PLCL2: variants seen among roughly 807,000 people sequenced by gnomAD.
PLCL2 encodes inactive phospholipase C-like protein 2.
In PLCL2, 4 loss-of-function variants were observed where a neutral mutation model predicts 79.6. The ratio of observed to expected loss-of-function variants is 0.05; its 90% CI spans 0.02 to 0.11. The LOEUF (loss-of-function observed/expected upper bound fraction) is 0.11. Among genes scored for constraint, PLCL2 ranks in the 10% least tolerant of loss-of-function variants. PLCL2 has a pLI of 1.00. For missense variants in PLCL2, 895 were observed against 1,291.0 expected (o/e 0.69, Z 4.70); for synonymous variants, 484 against 457.7 (o/e 1.06, Z -0.73).
At chr3:17,037,559 G>A (rs1320039815) in intron 3 of PLCL2, among the ~76,000 whole-genome samples, 6 of 152,136 alleles carry the variant, frequency 3.9e-5, no homozygotes, top group African/African-American at 1.4e-4. Context: ...AACAGAAGAT[G>A]CAGTAGCCAC....
chr3:16,929,492 A>G (rs946891108), intron 1 of PLCL2, among the ~76,000 whole-genome samples: 5 of 152,186 alleles, frequency 3.3e-5, no homozygotes, highest in Non-Finnish European at 5.9e-5. Flanking sequence ...CTTTGCAATC[A>G]TTCTTAACTT....
intron 3 of PLCL2, among the ~76,000 whole-genome samples, chr3:17,040,994 A>C (rs555685878): frequency 2.0e-5 from 3 of 152,098 alleles, no homozygotes; most frequent in African/African-American, 7.2e-5. Context: ...GAGCTGTAAC[A>C]ATCACCATCC....
intron 3 of PLCL2, among the ~76,000 whole-genome samples, chr3:17,040,396 GAAT>G: frequency 6.6e-6 from 1 of 152,280 alleles, no homozygotes; most frequent in East Asian, 1.9e-4. Flanking sequence ...ATGATTCTAA[GAAT>G]AATAATGCAA....
At chr3:16,899,577 CTG>C (rs1222308420) in intron 1 of PLCL2, among the ~76,000 whole-genome samples, 1 of 152,112 alleles carries the variant, frequency 6.6e-6, no homozygotes. Context: ...GTCCAGAAGA[CTG>C]TGTTTTCTCC....
chr3:17,029,238 C>T (rs1418173933), intron 3 of PLCL2, among the ~76,000 whole-genome samples: 1 of 151,850 alleles, frequency 6.6e-6, no homozygotes, highest in African/African-American at 2.4e-5. Context: ...CATCCCAGCT[C>T]CTGGATCTTT....
rs561428243 is a variant in PLCL2, at chr3:17,050,596, A to G, written c.3094+7647A>G. Among the ~76,000 whole-genome samples the G allele has an allele frequency of 4.6e-5, 7 of 152,360 alleles. No homozygotes were observed. The East Asian group carries it at 9.6e-4, about 21-fold the overall frequency. ...AATGCAAATCAAAACTAAATGAGAT[A>G]TCATCTCACTGCAGTTAAAATGGCT... On this transcript the variant is annotated intron_variant, in intron 4 of 5. Coordinates refer to ENST00000615277, the MANE Select transcript of PLCL2 (RefSeq NM_001144382.2).
At chr3:16,893,671 T>C (rs1020083442) in intron 1 of PLCL2, among the ~76,000 whole-genome samples, 2 of 152,162 alleles carry the variant, frequency 1.3e-5, no homozygotes, top group African/African-American at 4.8e-5. Flanking sequence ...CATAACAGAA[T>C]TGGAAAAATT....
chr3:17,015,684 C>G (rs1252010949), intron 3 of PLCL2, among the ~76,000 whole-genome samples: 1 of 152,134 alleles, frequency 6.6e-6, no homozygotes, highest in South Asian at 2.1e-4. Flanking sequence ...ATTTAGAGTA[C>G]TTGGGGGTGA....
intron 3 of PLCL2, among the ~76,000 whole-genome samples, chr3:17,019,395 C>T (rs567496424): frequency 6.6e-5 from 10 of 152,222 alleles, no homozygotes; most frequent in South Asian, 6.2e-4. Context: ...TTATTTTGCA[C>T]GTGAGAAAAT....
intron 4 of PLCL2, among the ~76,000 whole-genome samples, chr3:17,066,394 G>A (rs75657401): frequency 0.028 from 4,314 of 152,230 alleles, 225 homozygotes; most frequent in African/African-American, 0.099. Context: ...GCCATTTATT[G>A]TGTTTATCAT....
chr3:17,020,490 T>A (rs2064437914), intron 3 of PLCL2, among the ~76,000 whole-genome samples: 1 of 152,200 alleles, frequency 6.6e-6, no homozygotes, highest in Non-Finnish European at 1.5e-5. Flanking sequence ...TATACGTGAA[T>A]TCATTCTTGT....
intron 3 of PLCL2, among the ~76,000 whole-genome samples, chr3:17,024,922 C>G (rs113567687): frequency 0.018 from 2,708 of 152,268 alleles, 97 homozygotes; most frequent in African/African-American, 0.062. Context: ...TCATCTTCAT[C>G]CATATGTTTA....
chr3:17,055,971 G>A (rs1051685504), intron 4 of PLCL2, among the ~76,000 whole-genome samples: 2 of 152,124 alleles, frequency 1.3e-5, no homozygotes, highest in Admixed American at 6.5e-5. Context: ...GGGAAGTTTT[G>A]GGGACACTTG....
At chr3:16,891,017 A>G (rs1485280966) in intron 1 of PLCL2, among the ~76,000 whole-genome samples, 1 of 152,224 alleles carries the variant, frequency 6.6e-6, no homozygotes, top group Non-Finnish European at 1.5e-5. Flanking sequence ...TACCACTAGC[A>G]CTTGGTCCCA....
At chr3:17,063,087 CCTT>C (rs2064968009) in intron 4 of PLCL2, among the ~76,000 whole-genome samples, 1 of 151,468 alleles carries the variant, frequency 6.6e-6, no homozygotes, top group Non-Finnish European at 1.5e-5. Context: ...CTAAATATGA[CCTT>C]CTAAATATGC....
At position 17,084,817 on chromosome 3, in the gene PLCL2, A is replaced by G. The variant is rs1029816414; in HGVS notation, c.3205-4916A>G. ...CATCTACAAAAATCATACTGCTTAC[A>G]TCATATTTAAAGGTGAGAAACTGAA... On this transcript the variant is annotated intron_variant, in intron 5 of 5. Transcript: ENST00000615277. Among the ~76,000 whole-genome samples the G allele has an allele frequency of 2.0e-5, 3 of 152,238 alleles. No homozygotes were observed. In the East Asian group the frequency reaches 5.8e-4, roughly 29 times the overall value.
At chr3:17,076,523 G>A (rs569678634) in intron 5 of PLCL2, among the ~76,000 whole-genome samples, 1 of 151,644 alleles carries the variant, frequency 6.6e-6, no homozygotes, top group South Asian at 2.1e-4. Context: ...AAATTTTTTT[G>A]AGACAGGATC....
At chr3:16,971,887 G>A (rs148218335) in intron 1 of PLCL2, among the ~76,000 whole-genome samples, 7,507 of 152,104 alleles carry the variant, frequency 0.049, 300 homozygotes, top group African/African-American at 0.11. Flanking sequence ...TGTGATTTTC[G>A]TACATTGATT....
At chr3:16,956,762 G>T (rs1559497940) in intron 1 of PLCL2, among the ~76,000 whole-genome samples, 1 of 152,184 alleles carries the variant, frequency 6.6e-6, no homozygotes, top group Non-Finnish European at 1.5e-5. Flanking sequence ...TCTTGGGAGG[G>T]TGTATGTGTC....
Sources: gnomAD v4.1 joint callset for allele counts (sites outside exome capture counted in the v4.1 genomes callset) on GRCh38, gnomAD v4.1.1 for gene constraint, MANE v1.5 for transcripts, NCBI Gene and HGNC (gene_info 2026-07-23, HGNC 2026-07-21) for gene names.